The following PRKCI variants were observed in gnomAD, a reference collection of about 807,000 sequenced individuals.
PRKCI encodes protein kinase C iota type.
Under a neutral mutation model 84.0 loss-of-function variants are expected in PRKCI, and 43 were observed. The ratio of observed to expected loss-of-function variants is 0.51; its 90% CI spans 0.40 to 0.66. The LOEUF (loss-of-function observed/expected upper bound fraction) is 0.66, where lower values mean the gene tolerates loss of function less well. Ranked by LOEUF, PRKCI falls within the 30% of genes least tolerant of loss-of-function variation. The probability of loss-of-function intolerance (pLI) is 0.00; values close to 1 mark genes in which losing one functional copy is unlikely to be tolerated. For synonymous variants in PRKCI, 216 were observed against 234.4 expected (o/e 0.92, Z 0.72); for missense variants, 459 against 745.6 (o/e 0.62, Z 4.48).
chr3:170,296,067 A>G, intron 15 of PRKCI, 77 bp downstream of exon 15: 1 of 822,320 alleles, frequency 1.2e-6, no homozygotes, highest in Non-Finnish European at 1.8e-6. Flanking sequence ...CGGTTTGGGA[A>G]ATGTAAAATT....
intron 2 of PRKCI, among the ~76,000 whole-genome samples, chr3:170,255,587 G>A (rs1346269142): frequency 6.6e-6 from 1 of 152,070 alleles, no homozygotes; most frequent in Admixed American, 6.6e-5. Flanking sequence ...TATATAAGAT[G>A]ATATCATCTG....
At chr3:170,294,699 AT>A (rs1191804988) in intron 14 of PRKCI, among the ~76,000 whole-genome samples, 2 of 152,158 alleles carry the variant, frequency 1.3e-5, no homozygotes, top group Non-Finnish European at 2.9e-5. Flanking sequence ...CCTATGAAGT[AT>A]TTTTTTATTC....
intron 8 of PRKCI, among the ~76,000 whole-genome samples, chr3:170,278,223 T>G (rs1734164833): frequency 6.6e-6 from 1 of 152,220 alleles, no homozygotes; most frequent in African/African-American, 2.4e-5. Context: ...TTCTCTCTTA[T>G]AGTTTCCAGT....
chr3:170,288,245 C>CAA (rs564983474), intron 12 of PRKCI, among the ~76,000 whole-genome samples: 1 of 127,734 alleles, frequency 7.8e-6, no homozygotes. Context: ...GACTACGTCT[C>CAA]AAAAAAAAAA....
Position 170,224,772 on chromosome 3 carries a change from T to C in PRKCI, c.101+2002T>C, listed in dbSNP as rs192697029. Among the ~76,000 whole-genome samples, 564 of 152,276 alleles carry C rather than the reference T, an allele frequency of 3.7e-3. 3 individuals carry two copies. The highest frequency in any genetic ancestry group is 0.013 in the African/African-American group (544 of 41,562). On this transcript the variant is annotated intron_variant, in intron 1 of 17. Transcript: ENST00000295797. ...CTCCTGGCCTCAAATGATGCGCTCG[T>C]CTTGGCTTCCCAAATTGCTGGGATT...
rs1734875315 is a variant in PRKCI at position 170,303,533 on chromosome 3, A to G, written c.*406A>G. On this transcript the variant is annotated 3_prime_UTR_variant, in exon 18 of 18. Transcript: ENST00000295797. Reference sequence around the variant, plus strand: ...AATCATTTCAGGGTTTAATTTTGAAATAAAAGATTAATATAAAATGCAACA... The same window carrying G: ...AATCATTTCAGGGTTTAATTTTGAAGTAAAAGATTAATATAAAATGCAACA... 1 of 232,022 alleles carries G rather than the reference A, an allele frequency of 4.3e-6. No individual in the cohort carries two copies. The highest frequency in any genetic ancestry group is 1.8e-4 in the South Asian group (1 of 5,530). The allele number at this position is 232,022 out of a possible 1,614,324, so 14.4% of individuals were successfully genotyped here.
At chr3:170,250,431 A>ACCC (rs1560171670) in intron 2 of PRKCI, among the ~76,000 whole-genome samples, 1 of 35,248 alleles carries the variant, frequency 2.8e-5, no homozygotes, top group Non-Finnish European at 6.6e-5. Flanking sequence ...TTTCATTACC[A>ACCC]ACCCCCCCCC....
chr3:170,265,653 C>T (rs1168212891), intron 4 of PRKCI, among the ~76,000 whole-genome samples: 2 of 148,640 alleles, frequency 1.3e-5, no homozygotes, highest in African/African-American at 5.0e-5. Context: ...CTTGCTCTGT[C>T]GCCCAGGCTG....
In PRKCI at chr3:170,296,053, G is replaced by A. The variant is rs570359012; in HGVS notation, c.1497+63G>A. On this transcript the variant is annotated intron_variant, in intron 15 of 17. Transcript: ENST00000295797. ...CTTTCTATATATATCAAACTGGTCA[G>A]TAGCGGTTTGGGAAATGTAAAATTC... 3.3e-5 allele frequency: 31 copies of A among 945,538 alleles called. No homozygotes were observed. In the East Asian group the frequency reaches 7.7e-4, roughly 23 times the overall value. The allele number at this position is 945,538 out of a possible 1,614,324, so 58.6% of individuals were successfully genotyped here.
intron 16 of PRKCI, 43 bp downstream of exon 16, chr3:170,297,436 T>A: frequency 6.8e-7 from 1 of 1,475,886 alleles, no homozygotes; most frequent in Non-Finnish European, 9.4e-7. Context: ...TTCATTATTA[T>A]CTTGGGCCAA....
At chr3:170,223,114 G>A (rs1173934156) in intron 1 of PRKCI, among the ~76,000 whole-genome samples, 1 of 152,114 alleles carries the variant, frequency 6.6e-6, no homozygotes, top group African/African-American at 2.4e-5. Context: ...GTGTATTTGG[G>A]GTTGCGAGTT....
chr3:170,302,018 C>G (rs1459531067), intron 17 of PRKCI, among the ~76,000 whole-genome samples: 1 of 152,200 alleles, frequency 6.6e-6, no homozygotes, highest in African/African-American at 2.4e-5. Flanking sequence ...CTGCTTCTGC[C>G]TGTTCATTCC....
intron 2 of PRKCI, among the ~76,000 whole-genome samples, chr3:170,249,038 CG>C (rs1345705892): frequency 6.6e-6 from 1 of 151,874 alleles, no homozygotes; most frequent in Non-Finnish European, 1.5e-5. Context: ...TCAGTAGAGA[CG>C]GGGTTTCACC....
chr3:170,284,686 T>A (rs1734329151), intron 12 of PRKCI, 90 bp downstream of exon 12: 2 of 1,336,694 alleles, frequency 1.5e-6, no homozygotes, highest in East Asian at 2.4e-5. Flanking sequence ...AGGAAATGAT[T>A]ACTAATTTTG....
In PRKCI at chr3:170,270,561, G is replaced by C. The variant is rs766551522; in HGVS notation, c.591G>C (p.Gln197His). Residue 197 changes from glutamine (Q) to histidine (H), a missense_variant and splice_region_variant, in exon 6 of 18, where the codon CAG (glutamine) becomes CAC (histidine). Around this residue, in one of 2 missense-constraint regions of PRKCI, gnomAD observed 250 missense variants for 319.7 expected, o/e 0.78. Coordinates refer to ENST00000295797, the MANE Select transcript of PRKCI (RefSeq NM_002740.6). Reference sequence around the variant, plus strand: ...AATGTGGGCGGCATTCTTTGCCACAGGTAAGATGTCTGTCCTTTTTTTTTT... The same window carrying C: ...AATGTGGGCGGCATTCTTTGCCACACGTAAGATGTCTGTCCTTTTTTTTTT... ...TIECGRHSLP[Q>H]EPVMPMDQSS... The C allele has an allele frequency of 6.3e-6, 10 of 1,587,960 alleles. No homozygotes were observed. In the Admixed American group the frequency reaches 1.3e-4, roughly 20 times the overall value.
At chr3:170,291,276 T>G (rs575157522) in intron 12 of PRKCI, among the ~76,000 whole-genome samples, 150 of 152,372 alleles carry the variant, frequency 9.8e-4, no homozygotes, top group African/African-American at 3.4e-3. Context: ...TAAAATTTTG[T>G]TATTAAATTT....
At chr3:170,266,749 T>C (rs2108851827) in intron 4 of PRKCI, among the ~76,000 whole-genome samples, 1 of 152,234 alleles carries the variant, frequency 6.6e-6, no homozygotes, top group Non-Finnish European at 1.5e-5. Context: ...TCCCAGCGCT[T>C]TGGGAGGCTG....
At chr3:170,299,245 G>C (rs1560187926) in intron 17 of PRKCI, 135 bp downstream of exon 17, 1 of 435,772 alleles carries the variant, frequency 2.3e-6, no homozygotes. Context: ...ATTTTATTTT[G>C]AGATGGAGTC....
rs185807029 is a variant in PRKCI, at chr3:170,273,263, T to C, written c.592-23T>C. ...TAATAGAGGTACTCCACTGAGTTAC[T>C]GTGTCTTTGGAAATGTTTGTAGGAA... On this transcript the variant is annotated intron_variant, in intron 6 of 17. Transcript: ENST00000295797. 942 of 1,604,220 alleles carry C rather than the reference T, an allele frequency of 5.9e-4. 3 individuals are homozygous for C. In the African/African-American group the frequency reaches 8.3e-3, roughly 14 times the overall value.
Sources: allele counts gnomAD v4.1 joint callset (sites outside exome capture counted in the v4.1 genomes callset), GRCh38; gene constraint gnomAD v4.1.1; regional missense constraint gnomAD v4.1.1; transcripts MANE v1.5; gene names NCBI Gene and HGNC (gene_info 2026-07-23, HGNC 2026-07-21).